VRK2: variants seen among roughly 807,000 people sequenced by gnomAD.
VRK2 encodes serine/threonine-protein kinase VRK2.
In VRK2, 60 loss-of-function variants were observed where a neutral mutation model predicts 57.6. The observed-to-expected ratio is 1.04, with a 90% confidence interval of 0.85 to 1.29. VRK2 has a LOEUF of 1.29. Among genes scored for constraint, VRK2 ranks in the 50% most tolerant of loss-of-function variants. VRK2 has a pLI of 0.00. For missense variants in VRK2, 705 were observed against 588.1 expected (o/e 1.20, Z -2.06); for synonymous variants, 231 against 199.2 (o/e 1.16, Z -1.35).
intron 1 of VRK2, among the ~76,000 whole-genome samples, chr2:57,946,658 T>C (rs1302798558): frequency 6.6e-6 from 1 of 152,156 alleles, no homozygotes; most frequent in African/African-American, 2.4e-5. Flanking sequence ...TATTTTATAA[T>C]ATCCAAGAAG....
chr2:57,997,854 G>A (rs1175397164), intron 1 of VRK2, among the ~76,000 whole-genome samples: 2 of 150,814 alleles, frequency 1.3e-5, no homozygotes, highest in South Asian at 2.1e-4. Context: ...AACCAAGACC[G>A]CACTACTGCA....
At chr2:58,136,007 C>T (rs1679954484) in intron 10 of VRK2, among the ~76,000 whole-genome samples, 1 of 151,892 alleles carries the variant, frequency 6.6e-6, no homozygotes, top group Non-Finnish European at 1.5e-5. Flanking sequence ...GAGCTGACTT[C>T]TGAAAGTAGA....
chr2:58,092,840 T>C (rs1163571303), intron 7 of VRK2, among the ~76,000 whole-genome samples: 1 of 152,074 alleles, frequency 6.6e-6, no homozygotes, highest in Non-Finnish European at 1.5e-5. Context: ...CAGGCCCCGG[T>C]GTGTGTTGTT....
At chr2:58,123,862 A>T (rs542526386) in intron 8 of VRK2, among the ~76,000 whole-genome samples, 24 of 152,224 alleles carry the variant, frequency 1.6e-4, no homozygotes, top group African/African-American at 5.5e-4. Context: ...AGAAAAAAAA[A>T]AAAAAGTTGC....
intron 1 of VRK2, among the ~76,000 whole-genome samples, chr2:58,009,638 G>A (rs1305588823): frequency 6.6e-6 from 1 of 151,160 alleles, no homozygotes; most frequent in African/African-American, 2.4e-5. Flanking sequence ...TACAGGGTCA[G>A]TTCTAATCAC....
intron 1 of VRK2, among the ~76,000 whole-genome samples, chr2:57,962,955 T>G (rs1261858441): frequency 6.6e-6 from 1 of 152,126 alleles, no homozygotes; most frequent in African/African-American, 2.4e-5. Flanking sequence ...AGAGGCAGCA[T>G]GGGACAAAAA....
At chr2:57,996,178 G>T (rs916722321) in intron 1 of VRK2, among the ~76,000 whole-genome samples, 1 of 152,128 alleles carries the variant, frequency 6.6e-6, no homozygotes, top group Admixed American at 6.5e-5. Flanking sequence ...TATCCTTGGG[G>T]GATAAGGAGA....
chr2:58,120,834 G>A (rs1252372516), intron 7 of VRK2, among the ~76,000 whole-genome samples: 1 of 147,238 alleles, frequency 6.8e-6, no homozygotes, highest in Non-Finnish European at 1.5e-5. Context: ...AGCAAACATA[G>A]ATGGCGTGAT....
chr2:58,123,388 A>G lies in VRK2; in HGVS notation c.676+155A>G, dbSNP rs143316109. ...AAAGTAATGAATTCCTGTTATGCCAATGAATATTTCTTCTAACAGTGGAAA... is the reference window on the plus strand; with the variant it reads ...AAAGTAATGAATTCCTGTTATGCCAGTGAATATTTCTTCTAACAGTGGAAA... On this transcript the variant is annotated intron_variant, in intron 8 of 12. Transcript: ENST00000340157. 5.8e-3 allele frequency among the ~76,000 whole-genome samples: 891 copies of G among 152,322 alleles called. 11 individuals carry two copies. The highest frequency in any genetic ancestry group is 0.019 in the African/African-American group (794 of 41,584).
At chr2:58,093,173 A>G (rs956028623) in intron 7 of VRK2, among the ~76,000 whole-genome samples, 2 of 152,228 alleles carry the variant, frequency 1.3e-5, no homozygotes, top group African/African-American at 2.4e-5. Context: ...CTTTGAGTAT[A>G]TACCCAGTAA....
intron 1 of VRK2, among the ~76,000 whole-genome samples, chr2:58,047,998 T>A (rs1279582837): frequency 6.6e-6 from 1 of 152,262 alleles, no homozygotes; most frequent in African/African-American, 2.4e-5. Context: ...CCTTCACATT[T>A]AAATTATTTT....
intron 1 of VRK2, among the ~76,000 whole-genome samples, chr2:58,017,651 A>G (rs543982739): frequency 6.6e-6 from 1 of 152,156 alleles, no homozygotes; most frequent in South Asian, 2.1e-4. Context: ...TTACTATCCT[A>G]AAGTGGAAAG....
chr2:58,117,957 GTTGGGGCATGGAAATAAGGAA>G (rs1328158699), intron 7 of VRK2, among the ~76,000 whole-genome samples: 1 of 152,126 alleles, frequency 6.6e-6, no homozygotes, highest in African/African-American at 2.4e-5. Flanking sequence ...CAGAGAAAGG[GTTGGGGCATGGAAATAAGGAA>G]TTGGGGCACA....
At chr2:58,058,572 A>G in intron 2 of VRK2, 2 of 276,024 alleles carry the variant, frequency 7.2e-6, no homozygotes. Flanking sequence ...AGAACACAGA[A>G]AAGTAAAAAA....
chr2:57,963,157 C>G (rs1302770235), intron 1 of VRK2, among the ~76,000 whole-genome samples: 2 of 152,178 alleles, frequency 1.3e-5, no homozygotes, highest in Non-Finnish European at 2.9e-5. Flanking sequence ...GCTAGTTCCC[C>G]AAAGCTAGAT....
chr2:57,924,197 G>C (rs1670458397), intron 1 of VRK2, among the ~76,000 whole-genome samples: 1 of 151,896 alleles, frequency 6.6e-6, no homozygotes, highest in Non-Finnish European at 1.5e-5. Flanking sequence ...GATAGCTTTG[G>C]CTATTCTAGG....
intron 1 of VRK2, among the ~76,000 whole-genome samples, chr2:57,946,618 G>C (rs79177748): frequency 6.6e-6 from 1 of 151,978 alleles, no homozygotes; most frequent in Non-Finnish European, 1.5e-5. Context: ...CAATCAATTG[G>C]TATTTCATAG....
intron 1 of VRK2, among the ~76,000 whole-genome samples, chr2:57,920,533 T>C (rs558949930): frequency 2.6e-5 from 4 of 152,240 alleles, no homozygotes; most frequent in East Asian, 1.9e-4. Flanking sequence ...GTGATTATTA[T>C]GTGCTTGTCA....
At chr2:57,987,912 A>G (rs1401299980) in intron 1 of VRK2, among the ~76,000 whole-genome samples, 1 of 152,224 alleles carries the variant, frequency 6.6e-6, no homozygotes, top group Non-Finnish European at 1.5e-5. Context: ...GCTACTACAT[A>G]TACTTAAAAA....
Sources: gnomAD v4.1 joint callset for allele counts (sites outside exome capture counted in the v4.1 genomes callset) on GRCh38, gnomAD v4.1.1 for gene constraint, MANE v1.5 for transcripts, NCBI Gene and HGNC (gene_info 2026-07-23, HGNC 2026-07-21) for gene names.